Variants in AGAP1 observed in about 807,000 individuals in gnomAD.
The protein encoded by AGAP1 is arf-GAP with GTPase, ANK repeat and PH domain-containing protein 1.
AGAP1 carries 29 observed loss-of-function variants against 105.3 expected under a neutral mutation model. The observed-to-expected ratio is 0.28, with a 90% CI of 0.21 to 0.38. The LOEUF is 0.38. Ranked by LOEUF, AGAP1 falls within the 10% of genes least tolerant of loss-of-function variation. The pLI, the probability that AGAP1 is intolerant of heterozygous loss-of-function variation, is 1.00. For synonymous variants in AGAP1, 509 were observed against 485.9 expected (o/e 1.05, Z -0.63); for missense variants, 998 against 1,165.1 (o/e 0.86, Z 2.09).
At chr2:235,704,370 C>T (rs1445529797) in intron 1 of AGAP1, among the ~76,000 whole-genome samples, 2 of 151,998 alleles carry the variant, frequency 1.3e-5, no homozygotes, top group African/African-American at 2.4e-5. Context: ...GATTTGAGGC[C>T]GGGCGTGGTG....
In AGAP1 at chr2:235,555,977, G is replaced by A. The variant is rs896859245; in HGVS notation, c.163+61128G>A. On this transcript the variant is annotated intron_variant, in intron 1 of 17. Transcript: ENST00000304032. This position sits in a 1 kb window ranked among gnomAD's most constrained non-coding sequence, Gnocchi z 5.1. ...AATACTTAGACCTCAAAAACAAAGC[G>A]ATGTAGACCTATCTGCTGTGTCCTT... Among the ~76,000 whole-genome samples, 1 of 152,196 alleles carries A rather than the reference G, an allele frequency of 6.6e-6. No homozygotes were observed. The highest frequency in any genetic ancestry group is 1.5e-5 in the Non-Finnish European group (1 of 68,028).
intron 1 of AGAP1, among the ~76,000 whole-genome samples, chr2:235,604,275 T>C (rs1293180577): frequency 6.6e-6 from 1 of 152,026 alleles, no homozygotes; most frequent in East Asian, 1.9e-4. Context: ...ACTCCAGGGA[T>C]TTGAGACCAG....
chr2:236,017,466 C>T (rs899734136), intron 13 of AGAP1, among the ~76,000 whole-genome samples: 2 of 78,990 alleles, frequency 2.5e-5, no homozygotes, highest in South Asian at 7.1e-4. Context: ...TTTAACCTCA[C>T]GTCGTGTTAC....
chr2:236,104,845 G>T lies in AGAP1; in HGVS notation c.2115-15347G>T, dbSNP rs186738556. 7.9e-4 allele frequency among the ~76,000 whole-genome samples: 121 copies of T among 152,206 alleles called. No homozygotes were observed. Among genetic ancestry groups the T allele is most frequent in the Middle Eastern group, 3.4e-3 (1 of 294 alleles). On this transcript the variant is annotated intron_variant, in intron 16 of 17. Transcript: ENST00000304032. The surrounding 1 kb of genome is among the most constrained non-coding windows in gnomAD (Gnocchi z 4.7). Reference sequence around the variant, plus strand: ...ACCCGGGAGGCGGAGGTAGCAGTGAGCCCAAGTTCATGCCACTGCACTGCA... The same window carrying T: ...ACCCGGGAGGCGGAGGTAGCAGTGATCCCAAGTTCATGCCACTGCACTGCA...
In AGAP1 at chr2:235,733,691, A is replaced by C. The variant is rs1019406092; in HGVS notation, c.311-7272A>C. ...ACCATGAGAGACCGTGGCCTGCCCA[A>C]GGAAATCGTGTTAAGTGCTCACTTC... On this transcript the variant is annotated intron_variant, in intron 3 of 17. Coordinates refer to ENST00000304032, the MANE Select transcript of AGAP1 (RefSeq NM_001037131.3). The surrounding 1 kb of genome is among the most constrained non-coding windows in gnomAD (Gnocchi z 5.0). Among the ~76,000 whole-genome samples, 2 of 152,188 alleles carry C rather than the reference A, an allele frequency of 1.3e-5. No homozygotes were observed. The highest frequency in any genetic ancestry group is 1.3e-4 in the Admixed American group (2 of 15,280).
Position 235,741,201 on chromosome 2 carries a change from C to CT in AGAP1, c.396+154dup, listed in dbSNP as rs1481079331. On this transcript the variant is annotated intron_variant, in intron 4 of 17. Transcript: ENST00000304032. The surrounding 1 kb of genome is among the most constrained non-coding windows in gnomAD (Gnocchi z 4.9). ...CTCTCACTGCATTTTTTTCTCATCT[C>CT]TAAGAAGCTAATTCTTTTTTTATTT... Among the ~76,000 whole-genome samples the CT allele has an allele frequency of 3.9e-5, 6 of 152,196 alleles. No individual in the cohort carries two copies. Among genetic ancestry groups the CT allele is most frequent in the Non-Finnish European group, 7.3e-5 (5 of 68,034 alleles).
chr2:235,496,773 A>T (rs1270696239), intron 1 of AGAP1, among the ~76,000 whole-genome samples: 1 of 150,462 alleles, frequency 6.6e-6, no homozygotes, highest in Non-Finnish European at 1.5e-5. Context: ...GAAAAAAAAA[A>T]TGCGTCGTTC....
intron 6 of AGAP1, among the ~76,000 whole-genome samples, chr2:235,779,996 A>T (rs73996373): frequency 0.018 from 2,774 of 152,314 alleles, 75 homozygotes; most frequent in African/African-American, 0.064. Flanking sequence ...ATTGGACTGC[A>T]CAATCTCCTT....
chr2:235,774,026 TTACTAC>T (rs891444957), intron 6 of AGAP1: 11 of 463,406 alleles, frequency 2.4e-5, no homozygotes, highest in African/African-American at 4.0e-5. Context: ...GAGATAGCAA[TTACTAC>T]TACTATTATG....
rs1334861753 is a variant in AGAP1, at chr2:236,126,746, G to C, written c.*2624G>C. ...CCAAGTTTTGGTAGCAGAAGGAAAG[G>C]CAGTTTTTGAGGGTCTTTCGAAAAA... On this transcript the variant is annotated 3_prime_UTR_variant, in exon 18 of 18. Coordinates refer to ENST00000304032, the MANE Select transcript of AGAP1 (RefSeq NM_001037131.3). The C allele has an allele frequency of 5.3e-5, 8 of 152,108 alleles. No homozygotes were observed. Among genetic ancestry groups the C allele is most frequent in the Admixed American group, 5.2e-4 (8 of 15,262 alleles). The allele number at this position is 152,108 out of a possible 1,614,324, so 9.4% of individuals were successfully genotyped here.
At chr2:236,100,474 A>G (rs1185266771) in intron 16 of AGAP1, among the ~76,000 whole-genome samples, 4 of 152,180 alleles carry the variant, frequency 2.6e-5, no homozygotes, top group Non-Finnish European at 2.9e-5. Context: ...CTTAGGGGGG[A>G]AAAACACCTA....
At chr2:235,805,104 C>T (rs573756601) in intron 8 of AGAP1, among the ~76,000 whole-genome samples, 1 of 152,346 alleles carries the variant, frequency 6.6e-6, no homozygotes, top group East Asian at 1.9e-4. Context: ...GGCTGAGGTA[C>T]AGCAAACTCT....
chr2:236,107,584 G>A (rs150633533), intron 16 of AGAP1, among the ~76,000 whole-genome samples: 46 of 152,192 alleles, frequency 3.0e-4, no homozygotes, highest in African/African-American at 7.7e-4. Context: ...GCAAAGCCAC[G>A]AGTGCCCCAA....
At chr2:235,667,389 A>G (rs1183497430) in intron 1 of AGAP1, among the ~76,000 whole-genome samples, 3 of 152,208 alleles carry the variant, frequency 2.0e-5, no homozygotes, top group Admixed American at 6.5e-5. Flanking sequence ...TGTGGAGTTC[A>G]GTAATATTCA....
intron 13 of AGAP1, among the ~76,000 whole-genome samples, chr2:236,025,262 C>T (rs1162397416): frequency 1.3e-5 from 2 of 152,126 alleles, no homozygotes; most frequent in African/African-American, 4.8e-5. Context: ...GCTCGTTCTG[C>T]ACGTTTGAAG....
chr2:235,797,675 C>T (rs760153187), intron 6 of AGAP1, 84 bp from the exon 7 acceptor site: 7 of 1,538,238 alleles, frequency 4.6e-6, no homozygotes, highest in South Asian at 1.2e-5. Flanking sequence ...TAACAGATTT[C>T]GACAACAGAC....
intron 5 of AGAP1, among the ~76,000 whole-genome samples, 187 bp downstream of exon 5, chr2:235,745,026 T>C (rs1259972612): frequency 1.3e-5 from 2 of 152,104 alleles, no homozygotes; most frequent in Non-Finnish European, 2.9e-5. Flanking sequence ...AACCACTCAT[T>C]TAACAACCTG....
At chr2:235,929,084 A>T (rs1361571720) in intron 11 of AGAP1, among the ~76,000 whole-genome samples, 1 of 152,210 alleles carries the variant, frequency 6.6e-6, no homozygotes, top group Admixed American at 6.5e-5. Context: ...TCAAGACCCT[A>T]CATGTAAGCA....
rs2058740612 is a variant in AGAP1, at chr2:236,080,039, A to AT, written c.2114+30759dup. On this transcript the variant is annotated intron_variant, in intron 16 of 17. Transcript: ENST00000304032. The surrounding 1 kb of genome is among the most constrained non-coding windows in gnomAD (Gnocchi z 4.2). Reference sequence around the variant, plus strand: ...GGTCATTTCCCAGGTCCCAGTGCCCATAGCTGTGATGTAGTCAGGGCCCCA... The same window carrying AT: ...GGTCATTTCCCAGGTCCCAGTGCCCATTAGCTGTGATGTAGTCAGGGCCCCA... 6.6e-6 allele frequency among the ~76,000 whole-genome samples: 1 copy of AT among 152,230 alleles called. No individual in the cohort carries two copies. The highest frequency in any genetic ancestry group is 1.5e-5 in the Non-Finnish European group (1 of 68,030).
Sources: allele counts gnomAD v4.1 joint callset (sites outside exome capture counted in the v4.1 genomes callset), GRCh38; gene constraint gnomAD v4.1.1; non-coding constraint Gnocchi (gnomAD v3.1); transcripts MANE v1.5; gene names NCBI Gene and HGNC (gene_info 2026-07-23, HGNC 2026-07-21).